Variants in WARS2 observed in about 807,000 individuals in gnomAD.
The protein encoded by WARS2 is tryptophan--tRNA ligase, mitochondrial.
A neutral mutation model predicts 36.5 loss-of-function variants in WARS2; 28 were observed. That is an observed-to-expected ratio of 0.77 (90% CI 0.57 to 1.05). WARS2 has a LOEUF of 1.05. WARS2 is among the 50% of genes least tolerant of loss of function. WARS2 has a pLI of 0.00. For missense variants in WARS2, 435 were observed against 456.8 expected (o/e 0.95, Z 0.44); for synonymous variants, 174 against 178.4 (o/e 0.98, Z 0.20).
intron 1 of WARS2, chr1:119,085,896 A>G (rs779157967): frequency 2.5e-6 from 4 of 1,610,414 alleles, no homozygotes; most frequent in Non-Finnish European, 1.7e-6. Flanking sequence ...GGCCACCCCA[A>G]GCTGGACCTC....
At chr1:119,066,210 G>A (rs902312292) in intron 2 of WARS2, among the ~76,000 whole-genome samples, 1 of 152,064 alleles carries the variant, frequency 6.6e-6, no homozygotes, top group East Asian at 1.9e-4. Flanking sequence ...GGGTGCGGTG[G>A]CTCACGCCTG....
At chr1:119,090,932 T>C (rs1464673995) in intron 1 of WARS2, among the ~76,000 whole-genome samples, 2 of 152,084 alleles carry the variant, frequency 1.3e-5, no homozygotes, top group Non-Finnish European at 2.9e-5. Flanking sequence ...CATATGGTGG[T>C]CTGATTGAAT....
At chr1:119,112,058 G>T (rs1654674605) in intron 1 of WARS2, among the ~76,000 whole-genome samples, 1 of 152,046 alleles carries the variant, frequency 6.6e-6, no homozygotes, top group Admixed American at 6.6e-5. Context: ...GAGAATCTGG[G>T]ATAACAAGCA....
chr1:119,053,436 C>G (rs1335405386), intron 2 of WARS2, among the ~76,000 whole-genome samples: 1 of 152,144 alleles, frequency 6.6e-6, no homozygotes, highest in Non-Finnish European at 1.5e-5. Flanking sequence ...TAATCTACCA[C>G]TAGTACATCC....
chr1:119,068,115 C>T (rs557722699), intron 2 of WARS2, among the ~76,000 whole-genome samples: 1 of 152,344 alleles, frequency 6.6e-6, no homozygotes, highest in East Asian at 1.9e-4. Context: ...CAAATATATT[C>T]TCCAAGTCCA....
At chr1:119,129,440 G>A (rs775271539) in intron 1 of WARS2, among the ~76,000 whole-genome samples, 2 of 152,174 alleles carry the variant, frequency 1.3e-5, no homozygotes, top group Non-Finnish European at 2.9e-5. Flanking sequence ...CAGGCAGAGT[G>A]GTTCACACCT....
At chr1:119,087,330 T>C (rs1015817196) in intron 1 of WARS2, among the ~76,000 whole-genome samples, 3 of 152,190 alleles carry the variant, frequency 2.0e-5, no homozygotes, top group East Asian at 1.9e-4. Flanking sequence ...CTTTCTCCCA[T>C]ACTTTAGTTC....
chr1:119,054,407 G>C (rs1012647953), intron 2 of WARS2, among the ~76,000 whole-genome samples: 1 of 152,084 alleles, frequency 6.6e-6, no homozygotes, highest in Admixed American at 6.5e-5. Context: ...AAAATAGTAA[G>C]TGTGGTGAGG....
In WARS2 at chr1:119,059,333, G is replaced by C. The variant is rs1468626183; in HGVS notation, c.349-13671C>G. 2.6e-5 allele frequency among the ~76,000 whole-genome samples: 4 copies of C among 151,864 alleles called. No homozygotes were observed. The East Asian group carries it at 7.7e-4, about 29-fold the overall frequency. ...AATTAGATCCCATTTGTCAATTTTG[G>C]CTTTTGTTGCCATTGCTTTTGGTGT... On this transcript the variant is annotated intron_variant, in intron 2 of 5. Transcript: ENST00000235521.
chr1:119,085,310 C>T, intron 1 of WARS2: 1 of 1,209,192 alleles, frequency 8.3e-7, no homozygotes, highest in Non-Finnish European at 1.2e-6. Context: ...TCCGCCCCTC[C>T]CTGGGCACTG....
At chr1:119,045,253 A>T (rs1648696251) in intron 3 of WARS2, among the ~76,000 whole-genome samples, 1 of 152,194 alleles carries the variant, frequency 6.6e-6, no homozygotes. Context: ...TGGAAATGGG[A>T]GGCAACCTCA....
chr1:119,035,031 A>G (rs1279303590), intron 4 of WARS2, among the ~76,000 whole-genome samples: 2 of 152,222 alleles, frequency 1.3e-5, no homozygotes, highest in African/African-American at 2.4e-5. Context: ...TATCTGTAAT[A>G]TTTCATATTA....
chr1:119,127,453 T>C (rs774103637), intron 1 of WARS2, among the ~76,000 whole-genome samples: 1 of 152,186 alleles, frequency 6.6e-6, no homozygotes, highest in Non-Finnish European at 1.5e-5. Context: ...TAGCTCAAGC[T>C]TTTATCTCGA....
chr1:119,119,871 TAGC>T (rs1199634206), intron 1 of WARS2, among the ~76,000 whole-genome samples: 1 of 151,998 alleles, frequency 6.6e-6, no homozygotes, highest in Non-Finnish European at 1.5e-5. Flanking sequence ...TGAATGATAA[TAGC>T]AGCACAACCA....
intron 4 of WARS2, among the ~76,000 whole-genome samples, chr1:119,038,628 GGCC>G (rs756419461): frequency 2.0e-5 from 3 of 151,894 alleles, no homozygotes; most frequent in Non-Finnish European, 4.4e-5. Flanking sequence ...AGTTTCTTGA[GGCC>G]TCTGTTTTCT....
intron 5 of WARS2, 102 bp downstream of exon 5, chr1:119,033,993 A>C: frequency 1.0e-6 from 1 of 970,850 alleles, no homozygotes. Context: ...GCCTGTCTAC[A>C]AGAAAGCTGA....
rs1359921203 is a variant in WARS2 at position 119,046,955 on chromosome 1, C to G, written c.349-1293G>C. ...CGCCATCTGTTGTAAGATAGTTTCT[C>G]ATTTTTTTCCTCAAGTTATAGAGAG... is the stretch of plus-strand genomic sequence containing the variant. On this transcript the variant is annotated intron_variant, in intron 2 of 5. Coordinates refer to ENST00000235521, the MANE Select transcript of WARS2 (RefSeq NM_015836.4). Among the ~76,000 whole-genome samples, 8 of 152,146 alleles carry G rather than the reference C, an allele frequency of 5.3e-5. No homozygotes were observed. The East Asian group carries it at 1.5e-3, about 29-fold the overall frequency.
At chr1:119,059,043 ATT>A (rs1349738972) in intron 2 of WARS2, among the ~76,000 whole-genome samples, 1 of 151,916 alleles carries the variant, frequency 6.6e-6, no homozygotes, top group Non-Finnish European at 1.5e-5. Flanking sequence ...TTTGATTTGC[ATT>A]TCTCTGATGG....
At chr1:119,055,992 T>C (rs930087049) in intron 2 of WARS2, among the ~76,000 whole-genome samples, 1 of 150,614 alleles carries the variant, frequency 6.6e-6, no homozygotes, top group African/African-American at 2.5e-5. Context: ...AAAGATCAGA[T>C]GAAAATTTCA....
Sources: allele counts gnomAD v4.1 joint callset (sites outside exome capture counted in the v4.1 genomes callset), GRCh38; gene constraint gnomAD v4.1.1; transcripts MANE v1.5; gene names NCBI Gene and HGNC (gene_info 2026-07-23, HGNC 2026-07-21).